The following EPB41L4B variants were observed in gnomAD, a reference collection of about 807,000 sequenced individuals.
EPB41L4B encodes erythrocyte membrane protein band 4.1 like 4B.
Under a neutral mutation model 112.5 loss-of-function variants are expected in EPB41L4B, and 30 were observed. That is an observed-to-expected ratio of 0.27 (90% CI 0.20 to 0.36). The LOEUF is 0.36. Among genes scored for constraint, EPB41L4B ranks in the 10% least tolerant of loss-of-function variants. The pLI, the probability that EPB41L4B is intolerant of heterozygous loss-of-function variation, is 1.00. For synonymous variants in EPB41L4B, 408 were observed against 439.7 expected, an observed-to-expected ratio of 0.93 and a Z score of 0.90; for missense variants, 1,024 against 1,133.3, an observed-to-expected ratio of 0.90 and a Z score of 1.38.
intron 1 of EPB41L4B, among the ~76,000 whole-genome samples, chr9:109,305,235 A>G (rs1484787652): frequency 1.3e-5 from 2 of 151,510 alleles, no homozygotes; most frequent in Non-Finnish European, 2.9e-5. Flanking sequence ...GGATGGGGGG[A>G]ATGATGGGAT....
chr9:109,289,432 G>C (rs569806602), intron 1 of EPB41L4B, among the ~76,000 whole-genome samples: 1 of 152,300 alleles, frequency 6.6e-6, no homozygotes, highest in East Asian at 1.9e-4. Context: ...CAGCTTCCTT[G>C]TTGGCAGCAC....
chr9:109,264,304 G>T (rs952193656), intron 5 of EPB41L4B, among the ~76,000 whole-genome samples: 1 of 152,090 alleles, frequency 6.6e-6, no homozygotes, highest in African/African-American at 2.4e-5. Flanking sequence ...AATAGCAGGG[G>T]TTACTTTTTA....
At chr9:109,202,979 G>C (rs926140836) in intron 19 of EPB41L4B, among the ~76,000 whole-genome samples, 2 of 151,998 alleles carry the variant, frequency 1.3e-5, no homozygotes, top group African/African-American at 2.4e-5. Flanking sequence ...ACATAGTGAA[G>C]CCCTGTCTCT....
At chr9:109,294,258 T>C (rs1378774200) in intron 1 of EPB41L4B, among the ~76,000 whole-genome samples, 1 of 143,128 alleles carries the variant, frequency 7.0e-6, no homozygotes, top group Non-Finnish European at 1.5e-5. Context: ...TGAGCCGAGA[T>C]CACGCCACTG....
In EPB41L4B at chr9:109,293,711, A is replaced by G. The variant is rs960512716; in HGVS notation, c.307-13790T>C. Among the ~76,000 whole-genome samples the G allele has an allele frequency of 1.3e-5, 2 of 151,876 alleles. 1 individual carries two copies. Among genetic ancestry groups the G allele is most frequent in the South Asian group, 4.2e-4 (2 of 4,814 alleles). ...CATACACATTCTTAAAAAAAAAAAA[A>G]AAAAAAAAACATAAACTAAAAACTG... is the stretch of plus-strand genomic sequence containing the variant. On this transcript the variant is annotated intron_variant, in intron 1 of 25. Coordinates refer to ENST00000374566, the MANE Select transcript of EPB41L4B (RefSeq NM_019114.5).
intron 22 of EPB41L4B, among the ~76,000 whole-genome samples, chr9:109,191,721 T>C (rs1832466843): frequency 6.6e-6 from 1 of 152,204 alleles, no homozygotes; most frequent in Non-Finnish European, 1.5e-5. Flanking sequence ...ATGTTTTTTT[T>C]TTGGAAATTG....
chr9:109,187,482 T>C (rs1368922523), intron 22 of EPB41L4B, among the ~76,000 whole-genome samples: 1 of 145,058 alleles, frequency 6.9e-6, no homozygotes, highest in Non-Finnish European at 1.5e-5. Context: ...AGTGAATCCA[T>C]CTGAGTCACC....
At chr9:109,224,430 A>C in intron 15 of EPB41L4B, among the ~76,000 whole-genome samples, 1 of 152,226 alleles carries the variant, frequency 6.6e-6, no homozygotes, top group East Asian at 1.9e-4. Flanking sequence ...ACATGAAAGA[A>C]GCCAGACACA....
At chr9:109,210,921 G>T (rs1833144119) in intron 17 of EPB41L4B, among the ~76,000 whole-genome samples, 1 of 152,124 alleles carries the variant, frequency 6.6e-6, no homozygotes, top group Admixed American at 6.6e-5. Flanking sequence ...TGACAATTAG[G>T]CTTTGATATT....
intron 13 of EPB41L4B, among the ~76,000 whole-genome samples, chr9:109,248,039 A>G (rs557854362): frequency 1.3e-5 from 2 of 152,342 alleles, no homozygotes; most frequent in South Asian, 4.1e-4. Context: ...ATATTCCAGA[A>G]TGCAGTCTCA....
intron 2 of EPB41L4B, among the ~76,000 whole-genome samples, chr9:109,276,311 G>A (rs562481913): frequency 9.6e-6 from 1 of 103,960 alleles, no homozygotes; most frequent in African/African-American, 2.8e-5. Flanking sequence ...TGAAGGGTGA[G>A]GGGGGGGTCA....
chr9:109,263,147 T>G (rs1835278349), intron 5 of EPB41L4B, 45 bp from the exon 6 acceptor site: 1 of 1,191,854 alleles, frequency 8.4e-7, no homozygotes, highest in Non-Finnish European at 1.2e-6. Flanking sequence ...GGAACTTAAG[T>G]ACAACCATAC....
At chr9:109,187,823 C>T (rs552942364) in intron 22 of EPB41L4B, among the ~76,000 whole-genome samples, 1 of 152,292 alleles carries the variant, frequency 6.6e-6, no homozygotes, top group East Asian at 1.9e-4. Context: ...AAGGGATGGT[C>T]CAGCATTTGA....
intron 2 of EPB41L4B, among the ~76,000 whole-genome samples, chr9:109,273,154 C>A (rs551487227): frequency 6.6e-6 from 1 of 152,118 alleles, no homozygotes; most frequent in Non-Finnish European, 1.5e-5. Context: ...TAGCAGCTTC[C>A]GATTCAGCAC....
chr9:109,203,864 C>A, intron 18 of EPB41L4B, 134 bp from the exon 19 acceptor site: 1 of 696,218 alleles, frequency 1.4e-6, no homozygotes, highest in South Asian at 1.7e-5. Flanking sequence ...AGTACTCAAT[C>A]AATAGAGAAT....
chr9:109,192,336 C>T lies in EPB41L4B; in HGVS notation c.2243G>A (p.Gly748Asp), dbSNP rs199718023. 277 of 1,612,126 alleles carry T rather than the reference C, an allele frequency of 1.7e-4. 1 individual carries two copies. In the Middle Eastern group the frequency reaches 5.3e-3, roughly 31 times the overall value. Residue 748 changes from glycine to aspartate, a missense_variant, in exon 22 of 26, where the codon GGT becomes GAT. Gly to Asp is a moderately conservative substitution (Grantham distance 94). Coordinates refer to ENST00000374566, the MANE Select transcript of EPB41L4B (RefSeq NM_019114.5). ...PGAKSPSDRG[G>D]AFTLEPGDLL... ...ATCACCCGGCTCCAGGGTAAAGGCACCTCCTCGGTCAGAGGGGCTCTAGGG... is the reference window on the plus strand; with the variant it reads ...ATCACCCGGCTCCAGGGTAAAGGCATCTCCTCGGTCAGAGGGGCTCTAGGG...
chr9:109,262,812 C>T (rs2119058925), intron 6 of EPB41L4B, among the ~76,000 whole-genome samples: 1 of 152,318 alleles, frequency 6.6e-6, no homozygotes, highest in African/African-American at 2.4e-5. Flanking sequence ...CTCATCCCCA[C>T]AATGGGCCTT....
At chr9:109,181,792 C>T (rs950374730) in intron 24 of EPB41L4B, among the ~76,000 whole-genome samples, 1 of 152,214 alleles carries the variant, frequency 6.6e-6, no homozygotes, top group Non-Finnish European at 1.5e-5. Context: ...GATACATGTA[C>T]ACACATATGC....
In EPB41L4B at chr9:109,306,885, G is replaced by A. The variant is rs143803718; in HGVS notation, c.306+13256C>T. Among the ~76,000 whole-genome samples, 33 of 152,260 alleles carry A rather than the reference G, an allele frequency of 2.2e-4. No homozygotes were observed. In the East Asian group the frequency reaches 5.6e-3, roughly 26 times the overall value. ...CCAAGAATCCACTGGGGGCCACCAA[G>A]GCAAAGTCAAGGTAATGCAGTTAAC... On this transcript the variant is annotated intron_variant, in intron 1 of 25. Coordinates refer to ENST00000374566, the MANE Select transcript of EPB41L4B (RefSeq NM_019114.5).
Sources: gnomAD v4.1 joint callset for allele counts (sites outside exome capture counted in the v4.1 genomes callset) on GRCh38, gnomAD v4.1.1 for gene constraint, MANE v1.5 for transcripts, NCBI Gene and HGNC (gene_info 2026-07-23, HGNC 2026-07-21) for gene names.